GRB10: variants seen among roughly 807,000 people sequenced by gnomAD.
GRB10 encodes the protein growth factor receptor bound protein 10.
Under a neutral mutation model 80.9 loss-of-function variants are expected in GRB10, and 20 were observed. The observed-to-expected ratio is 0.25, with a 90% CI of 0.17 to 0.36. The LOEUF is 0.36. Among genes scored for constraint, GRB10 ranks in the 10% least tolerant of loss-of-function variants. The probability of loss-of-function intolerance (pLI) is 1.00; values close to 1 mark genes in which losing one functional copy is unlikely to be tolerated. For missense variants in GRB10, 548 were observed against 747.7 expected, an observed-to-expected ratio of 0.73 and a Z score of 3.12; for synonymous variants, 291 against 291.5, an observed-to-expected ratio of 1.00 and a Z score of 0.02.
chr7:50,741,408 T>G lies in GRB10; in HGVS notation c.-46-9040A>C, dbSNP rs2071709950. On this transcript the variant is annotated intron_variant, in intron 3 of 18. Transcript: ENST00000401949. Reference sequence around the variant, plus strand: ...AACACGGCCCCAAGGAAAAACCTGTTACATGCTGCCTCCTCCCAGCCTGCA... The same window carrying G: ...AACACGGCCCCAAGGAAAAACCTGTGACATGCTGCCTCCTCCCAGCCTGCA... Among the ~76,000 whole-genome samples, 3 of 152,140 alleles carry G rather than the reference T, an allele frequency of 2.0e-5. No individual in the cohort carries two copies. The South Asian group carries it at 6.2e-4, about 31-fold the overall frequency.
chr7:50,754,079 C>T (rs569174923), intron 3 of GRB10, among the ~76,000 whole-genome samples: 22 of 152,298 alleles, frequency 1.4e-4, no homozygotes, highest in East Asian at 7.7e-4. Flanking sequence ...CCAAGGAGGG[C>T]GACTGCCTGC....
intron 2 of GRB10, among the ~76,000 whole-genome samples, chr7:50,765,125 T>G (rs2076201468): frequency 6.6e-6 from 1 of 152,130 alleles, no homozygotes; most frequent in Admixed American, 6.5e-5. Context: ...CAATAAGATA[T>G]CATCTCACCC....
At chr7:50,702,857 A>G (rs2064441865) in intron 5 of GRB10, among the ~76,000 whole-genome samples, 2 of 152,230 alleles carry the variant, frequency 1.3e-5, no homozygotes. Context: ...CTGGTTTCCT[A>G]ATTCAAGTAT....
chr7:50,657,487 G>A (rs1350202646), intron 7 of GRB10, among the ~76,000 whole-genome samples: 3 of 152,152 alleles, frequency 2.0e-5, no homozygotes, highest in South Asian at 2.1e-4. Flanking sequence ...AAAAAGAGAG[G>A]AATGTGCGCC....
intron 7 of GRB10, among the ~76,000 whole-genome samples, chr7:50,663,329 G>T (rs2059467434): frequency 6.6e-6 from 1 of 152,208 alleles, no homozygotes; most frequent in African/African-American, 2.4e-5. Context: ...TCTGGACCCA[G>T]AGAGTAGGAG....
intron 3 of GRB10, among the ~76,000 whole-genome samples, chr7:50,751,060 AG>A (rs377382995): frequency 3.0e-4 from 45 of 152,308 alleles, no homozygotes; most frequent in Middle Eastern, 3.4e-3. Context: ...ATTGACCCAC[AG>A]GGACCGAGAG....
intron 3 of GRB10, among the ~76,000 whole-genome samples, chr7:50,748,271 C>T (rs1191758371): frequency 1.3e-5 from 2 of 152,182 alleles, no homozygotes; most frequent in African/African-American, 4.8e-5. Flanking sequence ...CCCCGTGGCC[C>T]ATGACGGAGT....
intron 3 of GRB10, among the ~76,000 whole-genome samples, chr7:50,744,903 C>T (rs910592375): frequency 6.6e-6 from 1 of 152,134 alleles, no homozygotes; most frequent in Non-Finnish European, 1.5e-5. Flanking sequence ...TCATACAGCA[C>T]CTTCATGGGT....
intron 2 of GRB10, among the ~76,000 whole-genome samples, chr7:50,774,660 C>G (rs2077387703): frequency 6.6e-6 from 1 of 152,150 alleles, no homozygotes; most frequent in Non-Finnish European, 1.5e-5. Context: ...CATAAGGAGA[C>G]ACAAACATTC....
chr7:50,746,151 T>G (rs770049413), intron 3 of GRB10, among the ~76,000 whole-genome samples: 1 of 152,206 alleles, frequency 6.6e-6, no homozygotes, highest in Non-Finnish European at 1.5e-5. Flanking sequence ...ATGGTTCAAC[T>G]CAGGATTTTT....
intron 17 of GRB10, among the ~76,000 whole-genome samples, chr7:50,599,665 C>A (rs1490411003): frequency 6.6e-6 from 1 of 152,190 alleles, no homozygotes; most frequent in African/African-American, 2.4e-5. Flanking sequence ...ACCAGCCGGG[C>A]TGATTTGGGG....
chr7:50,632,116 T>C (rs1272224894), intron 7 of GRB10, among the ~76,000 whole-genome samples: 1 of 152,050 alleles, frequency 6.6e-6, no homozygotes. Flanking sequence ...GCTAAATTAA[T>C]CTCACCAAAA....
intron 2 of GRB10, among the ~76,000 whole-genome samples, chr7:50,764,605 G>C (rs1436303339): frequency 2.0e-5 from 3 of 152,228 alleles, no homozygotes; most frequent in Non-Finnish European, 4.4e-5. Flanking sequence ...AGCTGTGAAA[G>C]TGGCTCAGAA....
In GRB10 at chr7:50,592,078, G is replaced by A. The variant is rs1585341824; in HGVS notation, c.*874C>T. 6.6e-6 allele frequency: 1 copy of A among 152,388 alleles called. No homozygotes were observed. The highest frequency in any genetic ancestry group is 1.9e-4 in the East Asian group (1 of 5,184). The allele number at this position is 152,388 out of a possible 1,614,324, so 9.4% of individuals were successfully genotyped here. ...TATGCAGCATCCACCGCTGGCCGAT[G>A]ACGGGTGCCAGGTGTGTCTCAAGGA... On this transcript the variant is annotated 3_prime_UTR_variant, in exon 19 of 19. Coordinates refer to ENST00000401949, the MANE Select transcript of GRB10 (RefSeq NM_001350814.2).
intron 5 of GRB10, among the ~76,000 whole-genome samples, chr7:50,696,663 T>C (rs1163985570): frequency 6.6e-6 from 1 of 152,198 alleles, no homozygotes; most frequent in Non-Finnish European, 1.5e-5. Context: ...AATCTCTGCT[T>C]GGGTTATGAG....
At chr7:50,618,231 C>T (rs2051004051) in intron 9 of GRB10, 92 bp from the exon 10 acceptor site, 17 of 947,230 alleles carry the variant, frequency 1.8e-5, no homozygotes, top group Non-Finnish European at 2.9e-5. Context: ...AAAACTATTC[C>T]TACCAGTATA....
intron 18 of GRB10, among the ~76,000 whole-genome samples, chr7:50,593,655 G>T (rs1442670353): frequency 6.6e-6 from 1 of 152,190 alleles, no homozygotes; most frequent in Non-Finnish European, 1.5e-5. Context: ...GAATGCCACA[G>T]TATCTCCCAG....
At chr7:50,606,939 G>GATAC in intron 13 of GRB10, 43 of 171,648 alleles carry the variant, frequency 2.5e-4, no homozygotes, top group South Asian at 1.1e-3. Flanking sequence ...CTCTGTTCTT[G>GATAC]GGCGCACTTC....
Position 50,732,347 on chromosome 7 carries a change from T to C in GRB10, c.-25A>G. On this transcript the variant is annotated 5_prime_UTR_variant, in exon 4 of 19. It removes the in-frame stop codon of an upstream open reading frame in the 5' UTR. Transcript: ENST00000401949. ...TGGGTTCCTTCTGCCTTCTTCAAAT[T>C]ACATTTACTGCGCTGCAGCACCTGG... 1 of 1,607,562 alleles carries C rather than the reference T, an allele frequency of 6.2e-7. No individual in the cohort carries two copies. Among genetic ancestry groups the C allele is most frequent in the Non-Finnish European group, 8.5e-7 (1 of 1,174,588 alleles).
Sources: allele counts gnomAD v4.1 joint callset (sites outside exome capture counted in the v4.1 genomes callset), GRCh38; gene constraint gnomAD v4.1.1; transcripts MANE v1.5; gene names NCBI Gene and HGNC (gene_info 2026-07-23, HGNC 2026-07-21).